The following KANK1 variants were observed in gnomAD, a reference collection of about 807,000 sequenced individuals.
KANK1 encodes the protein KN motif and ankyrin repeat domains 1.
KANK1 carries 109 observed loss-of-function variants against 106.2 expected under a neutral mutation model. The ratio of observed to expected loss-of-function variants is 1.03; its 90% CI spans 0.88 to 1.20. KANK1 has a LOEUF of 1.20. Among genes scored for constraint, KANK1 ranks in the 50% most tolerant of loss-of-function variants. KANK1 has a pLI of 0.00. For synonymous variants in KANK1, 873 were observed against 652.2 expected (o/e 1.34, Z -5.16); for missense variants, 2,399 against 1,710.7 (o/e 1.40, Z -7.10).
chr9:503,275 C>T (rs1459327646), upstream of KANK1, among the ~76,000 whole-genome samples: 1 of 152,028 alleles, frequency 6.6e-6, no homozygotes, highest in Non-Finnish European at 1.5e-5. Context: ...TAGAAAATAT[C>T]TACTGCATCC....
chr9:644,707 C>T (rs893670860), intron 1 of KANK1, among the ~76,000 whole-genome samples: 1 of 151,004 alleles, frequency 6.6e-6, no homozygotes, highest in East Asian at 1.9e-4. Context: ...ACCTTCAACA[C>T]TCGGGATTAC....
intron 1 of KANK1, among the ~76,000 whole-genome samples, chr9:605,474 C>A (rs1355641628): frequency 6.6e-6 from 1 of 151,672 alleles, no homozygotes; most frequent in Non-Finnish European, 1.5e-5. Flanking sequence ...TACACTCAGT[C>A]TTTAAGAGCA....
chr9:534,094 G>A (rs956057061), intron 1 of KANK1, among the ~76,000 whole-genome samples: 3 of 152,176 alleles, frequency 2.0e-5, no homozygotes, highest in African/African-American at 7.2e-5. Context: ...TTTTCAGGTG[G>A]ACCCAAATAA....
chr9:740,430 T>G (rs1050727794), intron 8 of KANK1, among the ~76,000 whole-genome samples: 1 of 152,206 alleles, frequency 6.6e-6, no homozygotes, highest in African/African-American at 2.4e-5. Context: ...ACTACCTGCT[T>G]CACTTTCCTA....
rs61622402 is a variant in KANK1 at position 545,724 on chromosome 9, C to CTTT, written c.-84+40995_-84+40997dup. On this transcript the variant is annotated intron_variant, in intron 1 of 11. Coordinates refer to ENST00000382297, the MANE Select transcript of KANK1 (RefSeq NM_015158.5). ...GCAGTACTGTTGGCCTGTACAGAGC[C>CTTT]TTTTTTTTTTTTTTTTTTTTTTTTT... is the stretch of plus-strand genomic sequence containing the variant. Among the ~76,000 whole-genome samples, 850 of 102,666 alleles carry CTTT rather than the reference C, an allele frequency of 8.3e-3. 14 individuals carry two copies. The highest frequency in any genetic ancestry group is 0.011 in the Non-Finnish European group (616 of 53,840). 67.4% of individuals were successfully genotyped at this position (102,666 alleles called of 152,430 possible).
At chr9:568,107 A>C (rs1224883426) in intron 1 of KANK1, among the ~76,000 whole-genome samples, 1 of 152,174 alleles carries the variant, frequency 6.6e-6, no homozygotes, top group Non-Finnish European at 1.5e-5. Flanking sequence ...GTGAAGTATG[A>C]GGTAGAGAGT....
At chr9:675,600 C>G (rs4742223) in intron 1 of KANK1, among the ~76,000 whole-genome samples, 2 of 151,686 alleles carry the variant, frequency 1.3e-5, no homozygotes, top group Admixed American at 6.6e-5. Flanking sequence ...AATATCAATG[C>G]AAAATGAATA....
At chr9:654,210 C>A (rs573731370) in intron 1 of KANK1, among the ~76,000 whole-genome samples, 58 of 152,284 alleles carry the variant, frequency 3.8e-4, no homozygotes, top group African/African-American at 1.3e-3. Context: ...GTTGTGGGGC[C>A]CAAGCATTTC....
At chr9:642,002 AC>A (rs1230504265) in intron 1 of KANK1, among the ~76,000 whole-genome samples, 1 of 151,684 alleles carries the variant, frequency 6.6e-6, no homozygotes, top group Non-Finnish European at 1.5e-5. Flanking sequence ...ACCACCACAC[AC>A]CCCCCAGCAC....
At chr9:635,967 G>A (rs896045596) in intron 1 of KANK1, among the ~76,000 whole-genome samples, 1 of 152,038 alleles carries the variant, frequency 6.6e-6, no homozygotes, top group African/African-American at 2.4e-5. Context: ...GAGCCACCGT[G>A]CCTGGCTTTA....
intron 1 of KANK1, among the ~76,000 whole-genome samples, chr9:536,019 T>C (rs1333874332): frequency 6.6e-6 from 1 of 152,064 alleles, no homozygotes; most frequent in African/African-American, 2.4e-5. Context: ...ATTCCTGCTG[T>C]AATAAAACCC....
At chr9:520,307 C>G (rs1373204319) in intron 1 of KANK1, among the ~76,000 whole-genome samples, 1 of 151,540 alleles carries the variant, frequency 6.6e-6, no homozygotes, top group East Asian at 1.9e-4. Flanking sequence ...CCACTGCACT[C>G]CAGCCTGCTT....
chr9:603,714 G>C (rs995866268), intron 1 of KANK1, among the ~76,000 whole-genome samples: 3 of 151,702 alleles, frequency 2.0e-5, no homozygotes, highest in Non-Finnish European at 4.4e-5. Flanking sequence ...CCAGGACTTT[G>C]GGAGGTCGAG....
At chr9:660,708 G>A (rs1843102703) in intron 1 of KANK1, among the ~76,000 whole-genome samples, 2 of 152,132 alleles carry the variant, frequency 1.3e-5, no homozygotes, top group Non-Finnish European at 2.9e-5. Flanking sequence ...AACAATCCTC[G>A]GTGAATCTAA....
At chr9:550,878 C>G (rs2061240381) in intron 1 of KANK1, among the ~76,000 whole-genome samples, 1 of 152,078 alleles carries the variant, frequency 6.6e-6, no homozygotes, top group Non-Finnish European at 1.5e-5. Flanking sequence ...TTCCCAGACT[C>G]CAGAATAATT....
chr9:668,181 C>G (rs568998842), intron 1 of KANK1, among the ~76,000 whole-genome samples: 3 of 152,100 alleles, frequency 2.0e-5, no homozygotes, highest in African/African-American at 7.2e-5. Flanking sequence ...ACTGATGAAA[C>G]GTGTATTCTG....
chr9:544,997 C>G (rs907756152), intron 1 of KANK1, among the ~76,000 whole-genome samples: 29 of 152,252 alleles, frequency 1.9e-4, no homozygotes, highest in Admixed American at 9.8e-4. Context: ...GCAGTAATCC[C>G]CCAGTGAGAG....
At chr9:482,874 G>A (rs1170130219) in intron 3 of KANK1, among the ~76,000 whole-genome samples, 9 of 152,170 alleles carry the variant, frequency 5.9e-5, no homozygotes, top group African/African-American at 1.4e-4. Flanking sequence ...CAAGTTGTCC[G>A]TGTTCTGAGT....
intron 1 of KANK1, among the ~76,000 whole-genome samples, chr9:672,722 T>G (rs1815466048): frequency 6.6e-6 from 1 of 152,226 alleles, no homozygotes; most frequent in Non-Finnish European, 1.5e-5. Context: ...TTAGCTAATG[T>G]AAAGTATTTA....
Sources: gnomAD v4.1 joint callset for allele counts (sites outside exome capture counted in the v4.1 genomes callset) on GRCh38, gnomAD v4.1.1 for gene constraint, MANE v1.5 for transcripts, NCBI Gene and HGNC (gene_info 2026-07-23, HGNC 2026-07-21) for gene names.